Variants in CDH13 observed in about 807,000 individuals in gnomAD.
The protein encoded by CDH13 is cadherin 13.
In CDH13, 24 loss-of-function variants were observed where a neutral mutation model predicts 63.8. That is an observed-to-expected ratio of 0.38 (90% CI 0.27 to 0.53). The LOEUF (loss-of-function observed/expected upper bound fraction) is 0.53. Among genes scored for constraint, CDH13 ranks in the 20% least tolerant of loss-of-function variants. The probability of loss-of-function intolerance (pLI) is 0.85; values close to 1 mark genes in which losing one functional copy is unlikely to be tolerated. For synonymous variants in CDH13, 503 were observed against 355.3 expected (o/e 1.42, Z -4.67); for missense variants, 1,049 against 903.1 (o/e 1.16, Z -2.07).
At chr16:83,346,894 C>G (rs765692829) in intron 6 of CDH13, among the ~76,000 whole-genome samples, 8 of 152,126 alleles carry the variant, frequency 5.3e-5, no homozygotes, top group Non-Finnish European at 8.8e-5. Flanking sequence ...CATAAACCAC[C>G]TCAAATATCT....
At position 83,481,062 on chromosome 16, in the gene CDH13, C is replaced by G. The variant is rs555656134; in HGVS notation, c.782-5415C>G. Among the ~76,000 whole-genome samples the G allele has an allele frequency of 4.7e-4, 71 of 152,170 alleles. 1 individual carries two copies. The highest frequency in any genetic ancestry group is 9.6e-4 in the Non-Finnish European group (65 of 68,032). On this transcript the variant is annotated intron_variant, in intron 6 of 13. Coordinates refer to ENST00000567109, the MANE Select transcript of CDH13 (RefSeq NM_001257.5). ...GATTGGAATTAGAACTCACTGCCTC[C>G]TCTGGTGAGTTTGATGCTTGACAAC...
intron 4 of CDH13, among the ~76,000 whole-genome samples, chr16:83,194,823 G>T (rs563984744): frequency 6.6e-6 from 1 of 152,278 alleles, no homozygotes; most frequent in Admixed American, 6.5e-5. Context: ...AGGCCTGGGT[G>T]GCTATTACGG....
intron 6 of CDH13, among the ~76,000 whole-genome samples, chr16:83,446,047 C>T (rs1464507281): frequency 3.3e-5 from 5 of 151,870 alleles, no homozygotes; most frequent in Non-Finnish European, 7.4e-5. Context: ...GTCTGTAATC[C>T]CAGCACTTTG....
At chr16:83,259,109 G>T (rs1029785025) in intron 5 of CDH13, among the ~76,000 whole-genome samples, 2 of 152,172 alleles carry the variant, frequency 1.3e-5, no homozygotes, top group Non-Finnish European at 2.9e-5. Context: ...GGAGAGCAGG[G>T]AACCTCCTGC....
At chr16:83,764,254 C>G (rs893738065) in intron 11 of CDH13, among the ~76,000 whole-genome samples, 2 of 151,994 alleles carry the variant, frequency 1.3e-5, no homozygotes, top group Admixed American at 6.6e-5. Flanking sequence ...GGCCATGGAC[C>G]CCCCCACTTG....
Position 83,678,222 on chromosome 16 carries a change from A to T in CDH13, c.1299A>T (p.Glu433Asp). 6.2e-7 allele frequency: 1 copy of T among 1,612,054 alleles called. No individual in the cohort carries two copies. The highest frequency in any genetic ancestry group is 8.5e-7 in the Non-Finnish European group (1 of 1,178,348). Residue 433 changes from glutamate to aspartate, a missense_variant, in exon 10 of 14, where the codon GAA (glutamate) becomes GAT (aspartate). By Grantham distance (45) the Glu-to-Asp change is conservative (BLOSUM62 2). Coordinates refer to ENST00000567109, the MANE Select transcript of CDH13 (RefSeq NM_001257.5). ...MLSVVKPLDY[E>D]ISAFHTLLIK... Reference sequence around the variant, plus strand: ...CTGCTTTCCAGCCATTGGACTATGAAATTTCTGCCTTCCACACCCTGCTGA... The same window carrying T: ...CTGCTTTCCAGCCATTGGACTATGATATTTCTGCCTTCCACACCCTGCTGA...
At chr16:82,680,080 G>A (rs1914379179) in intron 1 of CDH13, among the ~76,000 whole-genome samples, 2 of 152,134 alleles carry the variant, frequency 1.3e-5, no homozygotes, top group African/African-American at 4.8e-5. Context: ...CCCTCCACTG[G>A]GGAAGAGAGA....
At chr16:83,057,180 T>C (rs2031035201) in intron 3 of CDH13, among the ~76,000 whole-genome samples, 1 of 152,186 alleles carries the variant, frequency 6.6e-6, no homozygotes, top group Admixed American at 6.5e-5. Flanking sequence ...TTGGCCAGGA[T>C]GGTCTTGATC....
intron 1 of CDH13, among the ~76,000 whole-genome samples, chr16:82,750,782 T>C (rs1308920639): frequency 9.8e-6 from 1 of 101,560 alleles, no homozygotes; most frequent in East Asian, 6.2e-4. Flanking sequence ...CTTAAGCTGA[T>C]TTTTTTTTTC....
intron 2 of CDH13, among the ~76,000 whole-genome samples, chr16:82,888,673 A>C (rs1470245919): frequency 6.6e-6 from 1 of 152,084 alleles, no homozygotes; most frequent in East Asian, 1.9e-4. Context: ...CATATGTGAA[A>C]CTCAAGTTTC....
At chr16:83,349,246 G>A (rs1239783649) in intron 6 of CDH13, among the ~76,000 whole-genome samples, 1 of 152,192 alleles carries the variant, frequency 6.6e-6, no homozygotes, top group Non-Finnish European at 1.5e-5. Context: ...CTCCTTGGGG[G>A]CATACAGATC....
intron 11 of CDH13, among the ~76,000 whole-genome samples, chr16:83,762,547 C>T (rs1914060658): frequency 6.6e-6 from 1 of 152,170 alleles, no homozygotes; most frequent in South Asian, 2.1e-4. Context: ...TACAGGTAAT[C>T]ACCAGAAAGG....
intron 1 of CDH13, among the ~76,000 whole-genome samples, chr16:82,676,283 T>C (rs1221769171): frequency 2.0e-5 from 3 of 152,252 alleles, no homozygotes; most frequent in African/African-American, 7.2e-5. Context: ...CGTTTTCCAA[T>C]TTAGTGTGTG....
chr16:83,767,544 G>A (rs753803548), intron 11 of CDH13, among the ~76,000 whole-genome samples: 1 of 152,072 alleles, frequency 6.6e-6, no homozygotes, highest in African/African-American at 2.4e-5. Context: ...AGCAGTATGA[G>A]GATAGACTAA....
intron 7 of CDH13, among the ~76,000 whole-genome samples, chr16:83,523,304 T>C (rs904615198): frequency 2.0e-5 from 3 of 152,212 alleles, no homozygotes; most frequent in Admixed American, 2.0e-4. Flanking sequence ...AATAAATGAG[T>C]GCATGGATGG....
chr16:82,976,759 C>G (rs964755270), intron 2 of CDH13, among the ~76,000 whole-genome samples: 21 of 152,192 alleles, frequency 1.4e-4, no homozygotes, highest in African/African-American at 5.1e-4. Context: ...CACGAAAATG[C>G]ACTAAGCAAG....
At chr16:83,131,171 G>C (rs889895595) in intron 4 of CDH13, among the ~76,000 whole-genome samples, 1 of 130,866 alleles carries the variant, frequency 7.6e-6, no homozygotes, top group African/African-American at 3.0e-5. Flanking sequence ...GGGAGTATAA[G>C]GGGGTGTATG....
intron 3 of CDH13, 110 bp from the exon 4 acceptor site, chr16:83,125,275 C>T: frequency 1.5e-6 from 1 of 658,672 alleles, no homozygotes; most frequent in Non-Finnish European, 2.7e-6. Flanking sequence ...ATACAGTGAA[C>T]ACTTTCCAAA....
chr16:82,871,842 C>G (rs2040352990), intron 2 of CDH13, among the ~76,000 whole-genome samples: 1 of 152,152 alleles, frequency 6.6e-6, no homozygotes, highest in South Asian at 2.1e-4. Context: ...CAGAGGGTTT[C>G]CCTCCAAGAT....
Sources: gnomAD v4.1 joint callset for allele counts (sites outside exome capture counted in the v4.1 genomes callset) on GRCh38, gnomAD v4.1.1 for gene constraint, MANE v1.5 for transcripts, NCBI Gene and HGNC (gene_info 2026-07-23, HGNC 2026-07-21) for gene names.